FHIT: variants seen among roughly 807,000 people sequenced by gnomAD.
FHIT encodes fragile histidine triad diadenosine triphosphatase, also known as bis(5'-adenosyl)-triphosphatase.
A neutral mutation model predicts 17.9 loss-of-function variants in FHIT; 19 were observed. The observed-to-expected ratio is 1.06, with a 90% CI of 0.74 to 1.56. FHIT has a LOEUF of 1.56. FHIT is among the 40% of genes most tolerant of loss of function. The pLI is 0.00. For missense variants in FHIT, 248 were observed against 189.2 expected (o/e 1.31, Z -1.82); for synonymous variants, 81 against 69.7 (o/e 1.16, Z -0.81).
rs1700104631 is a variant in FHIT, at chr3:60,010,704, T to C, written c.279+667A>G. On this transcript the variant is annotated intron_variant, in intron 7 of 9. Transcript: ENST00000492590. ...AAAGAGCTGAAACCCAGCTTCTGAA[T>C]CAGCCAGGATTTTATTATTTTATTT... Among the ~76,000 whole-genome samples the C allele has an allele frequency of 2.0e-5, 3 of 152,318 alleles. No individual in the cohort carries two copies. The South Asian group carries it at 6.2e-4, about 32-fold the overall frequency.
intron 8 of FHIT, among the ~76,000 whole-genome samples, chr3:59,834,581 G>A (rs907486667): frequency 4.6e-5 from 7 of 152,138 alleles, no homozygotes; most frequent in African/African-American, 1.7e-4. Flanking sequence ...CCTCTTCCAG[G>A]TTGTAGATTG....
chr3:60,394,444 A>T (rs1701355436), intron 5 of FHIT, among the ~76,000 whole-genome samples: 1 of 152,174 alleles, frequency 6.6e-6, no homozygotes. Context: ...CATGCCCAAA[A>T]TCAAAAGGAC....
At chr3:60,274,561 G>A (rs1707030803) in intron 5 of FHIT, among the ~76,000 whole-genome samples, 1 of 152,060 alleles carries the variant, frequency 6.6e-6, no homozygotes, top group Non-Finnish European at 1.5e-5. Flanking sequence ...ACAATGATAT[G>A]GAAACAAAAA....
At chr3:60,544,049 C>T (rs2036279229) in intron 4 of FHIT, among the ~76,000 whole-genome samples, 1 of 151,196 alleles carries the variant, frequency 6.6e-6, no homozygotes, top group African/African-American at 2.4e-5. Flanking sequence ...TGAGCCACCG[C>T]GCCCGGACTT....
intron 4 of FHIT, among the ~76,000 whole-genome samples, chr3:60,754,206 C>T (rs369273489): frequency 6.6e-6 from 1 of 152,330 alleles, no homozygotes; most frequent in East Asian, 1.9e-4. Flanking sequence ...ACTTTGCACT[C>T]TTTCTCGGCC....
At chr3:61,246,515 C>T (rs550565851) in intron 1 of FHIT, among the ~76,000 whole-genome samples, 1 of 152,148 alleles carries the variant, frequency 6.6e-6, no homozygotes, top group African/African-American at 2.4e-5. Context: ...CAAATGCCCT[C>T]GGAATAAGGT....
At chr3:60,250,557 T>C (rs1289178098) in intron 5 of FHIT, among the ~76,000 whole-genome samples, 1 of 152,160 alleles carries the variant, frequency 6.6e-6, no homozygotes, top group East Asian at 1.9e-4. Context: ...GGTATTGATA[T>C]AATTAGGGTC....
intron 4 of FHIT, among the ~76,000 whole-genome samples, chr3:60,551,426 G>C (rs1254855060): frequency 8.6e-6 from 1 of 116,736 alleles, no homozygotes; most frequent in Non-Finnish European, 1.7e-5. Context: ...TTCAAGACCA[G>C]CCTGGGAAAT....
At chr3:60,308,522 A>G (rs975098499) in intron 5 of FHIT, among the ~76,000 whole-genome samples, 1 of 102,844 alleles carries the variant, frequency 9.7e-6, no homozygotes, top group Non-Finnish European at 2.0e-5. Flanking sequence ...ATATATATAT[A>G]TATATATGCC....
At chr3:61,071,477 T>G (rs923139713) in intron 2 of FHIT, among the ~76,000 whole-genome samples, 12 of 152,300 alleles carry the variant, frequency 7.9e-5, no homozygotes, top group Admixed American at 2.6e-4. Context: ...CAGTGTTACT[T>G]CCCATAAAGA....
At chr3:60,822,151 T>C (rs1701952459) in intron 3 of FHIT, 140 bp from the exon 4 acceptor site, 1 of 152,214 alleles carries the variant, frequency 6.6e-6, no homozygotes, top group Non-Finnish European at 1.5e-5. Context: ...TGAAGGTACA[T>C]ATGTGATTTT....
At chr3:60,230,441 A>G (rs566825756) in intron 5 of FHIT, among the ~76,000 whole-genome samples, 1 of 152,230 alleles carries the variant, frequency 6.6e-6, no homozygotes, top group African/African-American at 2.4e-5. Flanking sequence ...AAATAACATT[A>G]TCTGATCATA....
intron 5 of FHIT, among the ~76,000 whole-genome samples, chr3:60,053,609 TA>T (rs1444022851): frequency 1.3e-5 from 2 of 151,904 alleles, no homozygotes; most frequent in Non-Finnish European, 1.5e-5. Context: ...TAATGCCTTA[TA>T]AAAAAATCTC....
intron 2 of FHIT, among the ~76,000 whole-genome samples, chr3:61,147,282 T>C (rs1043463088): frequency 2.6e-5 from 4 of 152,092 alleles, no homozygotes; most frequent in African/African-American, 9.6e-5. Context: ...AGCAGTTATA[T>C]TACCTAGGGA....
intron 5 of FHIT, among the ~76,000 whole-genome samples, chr3:60,041,928 T>C (rs1215088479): frequency 1.3e-5 from 2 of 152,254 alleles, no homozygotes; most frequent in Admixed American, 1.3e-4. Context: ...TTCTCATTTC[T>C]GAAATATATA....
chr3:60,278,003 A>T (rs571809662), intron 5 of FHIT, among the ~76,000 whole-genome samples: 1 of 152,204 alleles, frequency 6.6e-6, no homozygotes, highest in South Asian at 2.1e-4. Context: ...TAGTATCCCC[A>T]AATTTGGAGA....
intron 4 of FHIT, among the ~76,000 whole-genome samples, chr3:60,750,159 T>C (rs541658955): frequency 2.6e-5 from 4 of 152,122 alleles, no homozygotes; most frequent in East Asian, 1.9e-4. Context: ...GAGGAAGAGT[T>C]TTCAGGAGTG....
intron 4 of FHIT, among the ~76,000 whole-genome samples, chr3:60,615,706 A>G (rs72889612): frequency 6.6e-6 from 1 of 152,216 alleles, no homozygotes; most frequent in African/African-American, 2.4e-5. Flanking sequence ...AAAAGAAACA[A>G]TCTTAACCTT....
At chr3:60,035,146 C>T (rs141655693) in intron 5 of FHIT, among the ~76,000 whole-genome samples, 2 of 152,250 alleles carry the variant, frequency 1.3e-5, no homozygotes, top group East Asian at 1.9e-4. Context: ...ATGAGCTTAG[C>T]GATGAGTATA....
Sources: gnomAD v4.1 joint callset for allele counts (sites outside exome capture counted in the v4.1 genomes callset) on GRCh38, gnomAD v4.1.1 for gene constraint, MANE v1.5 for transcripts, NCBI Gene and HGNC (gene_info 2026-07-23, HGNC 2026-07-21) for gene names.